GSE1: variants seen among roughly 807,000 people sequenced by gnomAD.
The protein encoded by GSE1 is genetic suppressor element 1.
In GSE1, 32 loss-of-function variants were observed where a neutral mutation model predicts 112.6. That is an observed-to-expected ratio of 0.28 (90% CI 0.21 to 0.38). GSE1 has a LOEUF of 0.38. Among genes scored for constraint, GSE1 ranks in the 10% least tolerant of loss-of-function variants. The pLI is 1.00. For missense variants in GSE1, 2,348 were observed against 1,699.2 expected (o/e 1.38, Z -6.71); for synonymous variants, 1,115 against 735.6 (o/e 1.52, Z -8.35).
chr16:85,491,650 A>T (rs776072269), intron 2 of GSE1, among the ~76,000 whole-genome samples: 49 of 152,016 alleles, frequency 3.2e-4, no homozygotes, highest in Non-Finnish European at 2.2e-4. Context: ...GGAGTCAGAC[A>T]TGATGGTGGA....
At position 85,505,140 on chromosome 16, in the gene GSE1, C is replaced by T. The variant is rs117832345; in HGVS notation, c.2465-128774C>T. Among the ~76,000 whole-genome samples, 8 of 152,258 alleles carry T rather than the reference C, an allele frequency of 5.3e-5. No individual in the cohort carries two copies. In the East Asian group the frequency reaches 1.2e-3, roughly 22 times the overall value. On this transcript the variant is annotated intron_variant, in intron 2 of 2. Coordinates refer to the GSE1 transcript ENST00000637419. ...TGTTGGGCCTGGCCCTGTCGTGTGC[C>T]TAGGGATGGACTCTCTGGCGCCCAG...
intron 1 of GSE1, among the ~76,000 whole-genome samples, chr16:85,256,875 T>G (rs1188311566): frequency 6.6e-6 from 1 of 152,264 alleles, no homozygotes; most frequent in Non-Finnish European, 1.5e-5. Flanking sequence ...AAAATTCAGT[T>G]CCTCAGCTGC....
chr16:85,485,714 A>G (rs2050813413), intron 2 of GSE1, among the ~76,000 whole-genome samples: 1 of 152,212 alleles, frequency 6.6e-6, no homozygotes, highest in Non-Finnish European at 1.5e-5. Flanking sequence ...GCTGTGCATC[A>G]GTGTGCCCGT....
chr16:85,358,997 G>C (rs989817603), intron 2 of GSE1, among the ~76,000 whole-genome samples: 1 of 152,248 alleles, frequency 6.6e-6, no homozygotes, highest in Non-Finnish European at 1.5e-5. Context: ...CTGGCTCACG[G>C]GGCAGATGTG....
At chr16:85,321,862 T>C (rs2046114656) in intron 1 of GSE1, among the ~76,000 whole-genome samples, 2 of 151,594 alleles carry the variant, frequency 1.3e-5, no homozygotes, top group African/African-American at 4.8e-5. Context: ...GATTGGAACA[T>C]CTAGAGTAAC....
chr16:85,231,820 TA>T (rs1160689638), intron 1 of GSE1, among the ~76,000 whole-genome samples: 2 of 152,244 alleles, frequency 1.3e-5, no homozygotes, highest in Non-Finnish European at 2.9e-5. Flanking sequence ...TGTCTCAGCC[TA>T]AAATGATGCC....
At chr16:85,642,506 G>A (rs568534739) in intron 2 of GSE1, among the ~76,000 whole-genome samples, 1 of 152,158 alleles carries the variant, frequency 6.6e-6, no homozygotes, top group East Asian at 1.9e-4. Flanking sequence ...TGAGACAGGG[G>A]TCTGTCGCTC....
chr16:85,572,507 C>G (rs2046049469), intron 1 of GSE1, among the ~76,000 whole-genome samples: 2 of 151,930 alleles, frequency 1.3e-5, no homozygotes, highest in Admixed American at 6.5e-5. Flanking sequence ...ACATACCACA[C>G]ACACCACACA....
Position 85,308,424 on chromosome 16 carries a change from C to G in GSE1, c.2284-49039C>G, listed in dbSNP as rs115976835. ...TTCTGTTTTGGAGCCTGGCAATCCT[C>G]GAACATCAGTGTGCATTTTAAGCCA... is the stretch of plus-strand genomic sequence containing the variant. On this transcript the variant is annotated intron_variant, in intron 1 of 2. Transcript: ENST00000637419. Among the ~76,000 whole-genome samples, 184 of 152,234 alleles carry G rather than the reference C, an allele frequency of 1.2e-3. 1 individual carries two copies. Among genetic ancestry groups the G allele is most frequent in the African/African-American group, 4.4e-3 (181 of 41,536 alleles).
chr16:85,425,326 A>G (rs2048948118), intron 2 of GSE1, among the ~76,000 whole-genome samples: 1 of 38,500 alleles, frequency 2.6e-5, no homozygotes, highest in Non-Finnish European at 1.2e-4. Flanking sequence ...TGGTGACAGC[A>G]GGAAGCAGCC....
At chr16:85,661,073 A>G (rs2052388115) in intron 8 of GSE1, 73 bp from the exon 9 acceptor site, 1 of 1,418,254 alleles carries the variant, frequency 7.1e-7, no homozygotes, top group Non-Finnish European at 9.5e-7. Context: ...TAGGAGCGGC[A>G]GGCAGCCAGG....
At chr16:85,267,982 G>C (rs548399693) in intron 1 of GSE1, among the ~76,000 whole-genome samples, 411 of 152,296 alleles carry the variant, frequency 2.7e-3, no homozygotes, top group African/African-American at 9.5e-3. Flanking sequence ...GAGGGTTGTG[G>C]CCAGGATTAA....
In GSE1 at chr16:85,311,451, G is replaced by A. The variant is rs1404608917; in HGVS notation, c.2284-46012G>A. The stretch of plus-strand genomic sequence containing the variant: ...CTCGTGGCACCACAAGAGAGCTGCT[G>A]GGGACAGGACGTGGGCGGAGCCCTC... On this transcript the variant is annotated intron_variant, in intron 1 of 2. Coordinates refer to the GSE1 transcript ENST00000637419. The surrounding 1 kb of genome is among the most constrained non-coding windows in gnomAD (Gnocchi z 4.2). Among the ~76,000 whole-genome samples, 2 of 152,156 alleles carry A rather than the reference G, an allele frequency of 1.3e-5. No individual in the cohort carries two copies. The highest frequency in any genetic ancestry group is 2.9e-5 in the Non-Finnish European group (2 of 67,998).
At chr16:85,358,365 C>G (rs1426622685) in intron 2 of GSE1, among the ~76,000 whole-genome samples, 1 of 152,136 alleles carries the variant, frequency 6.6e-6, no homozygotes, top group African/African-American at 2.4e-5. Flanking sequence ...CATCCTGAAG[C>G]CACCCCTTAG....
intron 1 of GSE1, chr16:85,285,111 A>G (rs2044979874): frequency 6.6e-6 from 1 of 152,258 alleles, no homozygotes; most frequent in African/African-American, 2.4e-5. Context: ...AAAGGGGACA[A>G]TGGCCAGGTG....
At chr16:85,559,804 G>A (rs1001147112) in intron 1 of GSE1, among the ~76,000 whole-genome samples, 1 of 152,222 alleles carries the variant, frequency 6.6e-6, no homozygotes, top group African/African-American at 2.4e-5. Context: ...CCCATTGTAA[G>A]TCAAGTTTGA....
chr16:85,241,848 G>A (rs1353252824), intron 1 of GSE1, among the ~76,000 whole-genome samples: 1 of 152,040 alleles, frequency 6.6e-6, no homozygotes. Context: ...GGTATCTCAT[G>A]GCCTACACAA....
chr16:85,620,971 T>C (rs2048698064), intron 1 of GSE1, among the ~76,000 whole-genome samples: 1 of 150,400 alleles, frequency 6.6e-6, no homozygotes, highest in African/African-American at 2.5e-5. Context: ...GGAACCCGTG[T>C]AGATGGTCTC....
intron 2 of GSE1, among the ~76,000 whole-genome samples, chr16:85,382,195 G>A (rs527663012): frequency 1.2e-4 from 18 of 152,226 alleles, no homozygotes; most frequent in East Asian, 1.2e-3. Flanking sequence ...TCGCTCAGGC[G>A]GCCCTCGATG....
Sources: allele counts gnomAD v4.1 joint callset (sites outside exome capture counted in the v4.1 genomes callset), GRCh38; gene constraint gnomAD v4.1.1; non-coding constraint Gnocchi (gnomAD v3.1); transcripts MANE v1.5; gene names NCBI Gene and HGNC (gene_info 2026-07-23, HGNC 2026-07-21).